The following LOC728743 variants were observed in gnomAD, a reference collection of about 807,000 sequenced individuals.
the LOC728743 span, among the ~76,000 whole-genome samples, chr7:150,409,797 G>A: frequency 6.6e-6 from 1 of 152,070 alleles, no homozygotes; most frequent in East Asian, 1.9e-4. Flanking sequence ...CTGGAGACTC[G>A]TCCCTCCCCA....
At chr7:150,408,140 C>A in the LOC728743 span, 1 of 388,992 alleles carries the variant, frequency 2.6e-6, no homozygotes, top group Non-Finnish European at 4.6e-6. Flanking sequence ...GAGCTTCGCG[C>A]GCGAGGGCTC....
chr7:150,404,780 A>T, the LOC728743 span: 2 of 152,282 alleles, frequency 1.3e-5, no homozygotes, highest in Non-Finnish European at 2.9e-5. Flanking sequence ...TGGTCACTCT[A>T]GTGATATAAC....
the LOC728743 span, chr7:150,408,275 C>A: frequency 2.7e-6 from 1 of 376,740 alleles, no homozygotes; most frequent in South Asian, 1.4e-4. Context: ...ACGTGCGTCC[C>A]CGACCCCTGG....
the LOC728743 span, among the ~76,000 whole-genome samples, chr7:150,401,185 A>AG: frequency 6.6e-6 from 1 of 152,218 alleles, no homozygotes; most frequent in South Asian, 2.1e-4. Flanking sequence ...TTTCTTTGTT[A>AG]GGAGCAAGTC....
At chr7:150,404,050 T>C in the LOC728743 span, among the ~76,000 whole-genome samples, 1 of 152,128 alleles carries the variant, frequency 6.6e-6, no homozygotes, top group African/African-American at 2.4e-5. Context: ...GGCCCGCATC[T>C]CTCAATGCCC....
chr7:150,408,007 C>G, the LOC728743 span: 1 of 398,210 alleles, frequency 2.5e-6, no homozygotes, highest in Non-Finnish European at 4.4e-6. Context: ...GCGGCCGCTG[C>G]TTCCGCGAGC....
chr7:150,402,139 T>C, the LOC728743 span, among the ~76,000 whole-genome samples: 4 of 152,216 alleles, frequency 2.6e-5, no homozygotes, highest in Non-Finnish European at 5.9e-5. Context: ...AGAGCAATTG[T>C]GCCCATGGAA....
chr7:150,402,473 T>G, the LOC728743 span, among the ~76,000 whole-genome samples: 1 of 152,218 alleles, frequency 6.6e-6, no homozygotes, highest in Admixed American at 6.5e-5. Context: ...GCCTGAGCTA[T>G]TAGATGTAGC....
the LOC728743 span, among the ~76,000 whole-genome samples, chr7:150,409,122 T>A: frequency 9.9e-6 from 1 of 101,156 alleles, no homozygotes; most frequent in Admixed American, 1.2e-4. Flanking sequence ...AGAGCAAGTG[T>A]GTAGAAGGGT....
the LOC728743 span, chr7:150,407,447 A>C: frequency 2.5e-6 from 1 of 397,330 alleles, no homozygotes; most frequent in Non-Finnish European, 4.4e-6. Context: ...GGGGAACTTG[A>C]GCTTGAACAA....
chr7:150,404,097 A>G, the LOC728743 span, among the ~76,000 whole-genome samples: 1 of 152,144 alleles, frequency 6.6e-6, no homozygotes, highest in African/African-American at 2.4e-5. Flanking sequence ...CACCACATCC[A>G]TTGTCTGCTG....
the LOC728743 span, chr7:150,408,071 C>T: frequency 2.7e-6 from 1 of 376,930 alleles, no homozygotes; most frequent in African/African-American, 2.1e-5. Flanking sequence ...CGCGCCGCAC[C>T]CGCGCCGCCC....
At chr7:150,400,704 A>G in the LOC728743 span, 18 of 151,904 alleles carry the variant, frequency 1.2e-4, no homozygotes, top group African/African-American at 4.3e-4. Context: ...CTACTGTCAC[A>G]TTGCAGCCTT....
At chr7:150,401,608 A>G in the LOC728743 span, among the ~76,000 whole-genome samples, 11 of 152,350 alleles carry the variant, frequency 7.2e-5, no homozygotes, top group African/African-American at 2.6e-4. Flanking sequence ...AGGGAAATGA[A>G]TGGACTCCCT....
the LOC728743 span, among the ~76,000 whole-genome samples, chr7:150,409,559 G>A: frequency 1.6e-4 from 25 of 152,350 alleles, no homozygotes; most frequent in African/African-American, 5.5e-4. Flanking sequence ...TACAACAGGT[G>A]GAAGCCAGGG....
At chr7:150,408,117 C>T in the LOC728743 span, 3 of 383,318 alleles carry the variant, frequency 7.8e-6, no homozygotes, top group Non-Finnish European at 9.2e-6. Flanking sequence ...TACTTCTGCC[C>T]CCGCTGCGGC....
the LOC728743 span, chr7:150,408,267 G>A: frequency 3.7e-5 from 14 of 378,860 alleles, no homozygotes; most frequent in Non-Finnish European, 4.7e-5. Flanking sequence ...CGCCCCGCAC[G>A]TGCGTCCCCG....
the LOC728743 span, chr7:150,410,593 C>G: frequency 0.016 from 2,915 of 183,434 alleles, 85 homozygotes; most frequent in African/African-American, 0.063. Context: ...GTTCTAGAGG[C>G]AAAACCTTCT....
At chr7:150,405,130 C>G in the LOC728743 span, 4 of 152,342 alleles carry the variant, frequency 2.6e-5, no homozygotes, top group African/African-American at 9.6e-5. Flanking sequence ...GACGTTCAGG[C>G]CCCGGAACCG....
Sources: allele counts gnomAD v4.1 joint callset (sites outside exome capture counted in the v4.1 genomes callset), GRCh38; gene constraint gnomAD v4.1.1; transcripts MANE v1.5.